LCOR: variants seen among roughly 807,000 people sequenced by gnomAD.
The protein encoded by LCOR is ligand dependent nuclear receptor corepressor, also known as ligand-dependent corepressor.
In LCOR, 14 loss-of-function variants were observed where a neutral mutation model predicts 64.4. The observed-to-expected ratio is 0.22, with a 90% confidence interval of 0.14 to 0.34. LCOR has a LOEUF of 0.34. Ranked by LOEUF, LCOR falls within the 10% of genes least tolerant of loss-of-function variation. LCOR has a pLI of 1.00. For synonymous variants in LCOR, 643 were observed against 642.5 expected (o/e 1.00, Z -0.01); for missense variants, 1,686 against 1,765.3 (o/e 0.96, Z 0.80).
chr10:96,935,508 A>C (rs1224456248), intron 4 of LCOR, among the ~76,000 whole-genome samples: 1 of 151,776 alleles, frequency 6.6e-6, no homozygotes, highest in South Asian at 2.1e-4. Flanking sequence ...TTTTATTCTT[A>C]CTGGTTCATT....
chr10:96,877,207 A>G (rs546971405), intron 2 of LCOR, among the ~76,000 whole-genome samples: 26 of 152,276 alleles, frequency 1.7e-4, no homozygotes, highest in African/African-American at 6.3e-4. Context: ...CAAATCAACA[A>G]AAATCCAGGA....
At chr10:96,875,831 A>G (rs1359266007) in intron 2 of LCOR, among the ~76,000 whole-genome samples, 1 of 152,082 alleles carries the variant, frequency 6.6e-6, no homozygotes, top group Non-Finnish European at 1.5e-5. Context: ...GCACCACTGC[A>G]CTCCAGCCTG....
chr10:96,889,680 G>A (rs749364801), intron 2 of LCOR, among the ~76,000 whole-genome samples: 11 of 152,176 alleles, frequency 7.2e-5, no homozygotes, highest in Non-Finnish European at 1.3e-4. Context: ...ACTGGGGTTA[G>A]GGCGTTAACA....
At chr10:96,910,755 GATA>G (rs1348694285) in intron 4 of LCOR, among the ~76,000 whole-genome samples, 3 of 152,176 alleles carry the variant, frequency 2.0e-5, no homozygotes, top group Admixed American at 2.0e-4. Flanking sequence ...GGCATGGTGA[GATA>G]ATCTAGGTAG....
At chr10:96,956,713 G>T in intron 7 of LCOR, 2 of 985,806 alleles carry the variant, frequency 2.0e-6, no homozygotes, top group Non-Finnish European at 2.4e-6. Context: ...TGAGGATATA[G>T]CCTTATCTCA....
chr10:96,969,752 CA>C (rs1230184692), intron 7 of LCOR, among the ~76,000 whole-genome samples: 3 of 147,566 alleles, frequency 2.0e-5, no homozygotes, highest in Non-Finnish European at 4.5e-5. Context: ...TTCATTTCAA[CA>C]ATTTTCTTTC....
intron 4 of LCOR, among the ~76,000 whole-genome samples, chr10:96,918,791 A>T (rs1410511582): frequency 1.3e-5 from 2 of 152,222 alleles, no homozygotes; most frequent in Non-Finnish European, 2.9e-5. Context: ...TGGCCAACTG[A>T]CTTTGCCCTC....
At chr10:96,937,310 C>T (rs1847367729) in intron 4 of LCOR, among the ~76,000 whole-genome samples, 1 of 152,170 alleles carries the variant, frequency 6.6e-6, no homozygotes, top group African/African-American at 2.4e-5. Context: ...GGGAAAATGA[C>T]CCTATTGACA....
At chr10:96,867,584 G>A (rs1845995513) in intron 2 of LCOR, among the ~76,000 whole-genome samples, 1 of 152,064 alleles carries the variant, frequency 6.6e-6, no homozygotes, top group African/African-American at 2.4e-5. Flanking sequence ...GTGACAGAGT[G>A]AAATTCTGTC....
intron 5 of LCOR, among the ~76,000 whole-genome samples, chr10:96,945,206 T>A (rs1454652244): frequency 6.6e-6 from 1 of 152,182 alleles, no homozygotes; most frequent in Non-Finnish European, 1.5e-5. Context: ...AGTTTACACC[T>A]CTCATTCCTC....
chr10:96,975,684 G>A (rs1490996639), intron 7 of LCOR, among the ~76,000 whole-genome samples: 1 of 151,548 alleles, frequency 6.6e-6, no homozygotes, highest in Non-Finnish European at 1.5e-5. Flanking sequence ...ACAAAAACAA[G>A]GCAAAGTCAA....
chr10:96,965,072 G>T (rs1415426829), intron 7 of LCOR, among the ~76,000 whole-genome samples: 1 of 151,510 alleles, frequency 6.6e-6, no homozygotes, highest in East Asian at 2.0e-4. Context: ...GCAGTGGCAC[G>T]ATCTCGGCTC....
rs893494634 is a variant in LCOR at position 96,989,124 on chromosome 10, C to T, written c.*3990C>T. ...TCTTTTCAAAGGAGACATGTTATAT[C>T]GATATGCACTACTATCCCCTTAAAC... On this transcript the variant is annotated 3_prime_UTR_variant, in exon 8 of 8. Coordinates refer to ENST00000421806, the MANE Select transcript of LCOR (RefSeq NM_001346516.2). The T allele has an allele frequency of 1.3e-5, 2 of 152,122 alleles. No individual in the cohort carries two copies. Among genetic ancestry groups the T allele is most frequent in the South Asian group, 2.1e-4 (1 of 4,828 alleles). 9.4% of individuals were successfully genotyped at this position (152,122 alleles called of 1,614,324 possible). A position where few individuals can be genotyped will look rare whatever the true frequency, so the allele number is the denominator to read the frequency against.
chr10:96,848,433 G>A (rs1345137336), intron 2 of LCOR, among the ~76,000 whole-genome samples: 1 of 152,184 alleles, frequency 6.6e-6, no homozygotes, highest in African/African-American at 2.4e-5. Context: ...CGAGGCAGGT[G>A]GATCACTTGA....
chr10:96,989,737 G>A lies in LCOR; in HGVS notation c.*4603G>A, dbSNP rs773533983. 19 of 121,170 alleles carry A rather than the reference G, an allele frequency of 1.6e-4. No homozygotes were observed. Among genetic ancestry groups the A allele is most frequent in the Non-Finnish European group, 2.1e-4 (13 of 63,244 alleles). 7.5% of individuals were successfully genotyped at this position (121,170 alleles called of 1,614,324 possible). On this transcript the variant is annotated 3_prime_UTR_variant, in exon 8 of 8. Transcript: ENST00000421806. ...TTTTTTTTAATAGAGACGAGGTTAC[G>A]CTATGTTGCCGAGGCTGATCTGAAA...
intron 2 of LCOR, among the ~76,000 whole-genome samples, chr10:96,883,967 T>C (rs1309973343): frequency 6.6e-6 from 1 of 152,176 alleles, no homozygotes; most frequent in Non-Finnish European, 1.5e-5. Context: ...TATAGATAGC[T>C]CACAGATACA....
At chr10:96,859,304 G>T (rs753303816) in intron 2 of LCOR, among the ~76,000 whole-genome samples, 1 of 152,156 alleles carries the variant, frequency 6.6e-6, no homozygotes, top group African/African-American at 2.4e-5. Context: ...TAGCGTCCCG[G>T]GTTCAAGCAA....
chr10:96,938,457 T>G (rs1457320324), intron 4 of LCOR, among the ~76,000 whole-genome samples: 1 of 151,518 alleles, frequency 6.6e-6, no homozygotes, highest in Non-Finnish European at 1.5e-5. Context: ...ATGGAACAGC[T>G]TCCCCCGAGA....
intron 2 of LCOR, among the ~76,000 whole-genome samples, chr10:96,894,515 GC>G (rs67410014): frequency 0.14 from 21,543 of 152,186 alleles, 2,102 homozygotes; most frequent in African/African-American, 0.27. Flanking sequence ...GAATTTGAAA[GC>G]CAGACTAAGC....
Sources: gnomAD v4.1 joint callset for allele counts (sites outside exome capture counted in the v4.1 genomes callset) on GRCh38, gnomAD v4.1.1 for gene constraint, MANE v1.5 for transcripts, NCBI Gene and HGNC (gene_info 2026-07-23, HGNC 2026-07-21) for gene names.